Variants in DPP10 observed in about 807,000 individuals in gnomAD.
DPP10 encodes dipeptidyl peptidase like 10.
Under a neutral mutation model 120.9 loss-of-function variants are expected in DPP10, and 33 were observed. The ratio of observed to expected loss-of-function variants is 0.27; its 90% CI spans 0.21 to 0.37. DPP10 has a LOEUF of 0.37. DPP10 is among the 10% of genes least tolerant of loss of function. The pLI is 1.00. For missense variants in DPP10, 816 were observed against 942.8 expected (o/e 0.87, Z 1.76); for synonymous variants, 337 against 326.1 (o/e 1.03, Z -0.36).
chr2:114,607,792 A>G (rs984625026), intron 1 of DPP10, among the ~76,000 whole-genome samples: 1 of 152,308 alleles, frequency 6.6e-6, no homozygotes, highest in Admixed American at 6.5e-5. Flanking sequence ...TTGTTTCCTC[A>G]TAGAGACTTT....
At chr2:115,605,202 A>C (rs2083621435) in intron 5 of DPP10, among the ~76,000 whole-genome samples, 1 of 152,078 alleles carries the variant, frequency 6.6e-6, no homozygotes, top group Non-Finnish European at 1.5e-5. Context: ...GGATAGAATC[A>C]ATTTTTGGGA....
intron 1 of DPP10, among the ~76,000 whole-genome samples, chr2:115,225,319 A>T (rs903978990): frequency 8.5e-5 from 13 of 152,112 alleles, no homozygotes; most frequent in Non-Finnish European, 1.0e-4. Context: ...ATGGTACTCC[A>T]TAATGGACCT....
At chr2:115,585,408 AG>A (rs1464321812) in intron 5 of DPP10, among the ~76,000 whole-genome samples, 9 of 152,228 alleles carry the variant, frequency 5.9e-5, no homozygotes, top group African/African-American at 2.2e-4. Context: ...ACATAAAAGT[AG>A]GTTTTATTTA....
intron 21 of DPP10, among the ~76,000 whole-genome samples, chr2:115,827,438 AT>A (rs1481694715): frequency 2.8e-5 from 4 of 143,298 alleles, no homozygotes; most frequent in African/African-American, 1.0e-4. Flanking sequence ...ATATATATAT[AT>A]ATATATATGC....
At chr2:114,509,194 A>G (rs1683933006) in intron 1 of DPP10, among the ~76,000 whole-genome samples, 1 of 152,244 alleles carries the variant, frequency 6.6e-6, no homozygotes, top group Non-Finnish European at 1.5e-5. Context: ...ATGCTCTGAA[A>G]GTGTTCCAGG....
intron 1 of DPP10, among the ~76,000 whole-genome samples, chr2:114,840,915 G>A (rs2106447467): frequency 6.6e-6 from 1 of 152,182 alleles, no homozygotes; most frequent in South Asian, 2.1e-4. Context: ...TGTTCCACAG[G>A]CACACAATAT....
At chr2:115,260,523 TCAAA>T (rs1173498213) in intron 1 of DPP10, among the ~76,000 whole-genome samples, 4 of 152,292 alleles carry the variant, frequency 2.6e-5, no homozygotes, top group East Asian at 1.9e-4. Flanking sequence ...TTGCCAGCCC[TCAAA>T]CAAAGTAGAT....
intron 1 of DPP10, among the ~76,000 whole-genome samples, chr2:115,075,198 C>T (rs1707684336): frequency 6.6e-6 from 1 of 152,230 alleles, no homozygotes; most frequent in Admixed American, 6.5e-5. Flanking sequence ...CTGCTGATCA[C>T]ATTGGTGTTT....
chr2:115,268,033 G>A (rs1246341267), intron 1 of DPP10, among the ~76,000 whole-genome samples: 1 of 152,102 alleles, frequency 6.6e-6, no homozygotes, highest in Non-Finnish European at 1.5e-5. Context: ...AAAATCTATA[G>A]GTGGCTTTTA....
At chr2:115,313,039 T>G (rs1422022888) in intron 2 of DPP10, among the ~76,000 whole-genome samples, 1 of 152,044 alleles carries the variant, frequency 6.6e-6, no homozygotes, top group Non-Finnish European at 1.5e-5. Context: ...CTGGCCAACA[T>G]GGTGAAACCC....
rs542639392 is a variant in DPP10, at chr2:115,009,556, T to G, written c.61-299683T>G. Among the ~76,000 whole-genome samples the G allele has an allele frequency of 1.0e-3, 151 of 151,402 alleles. 1 individual carries two copies. Among genetic ancestry groups the G allele is most frequent in the African/African-American group, 3.5e-3 (145 of 41,168 alleles). ...TACTAACCTGCACAATGTGCACATG[T>G]ACCCTAAAACTTAAAGTATAATAAT... On this transcript the variant is annotated intron_variant, in intron 1 of 25. Transcript: ENST00000410059.
At chr2:114,830,241 C>T (rs1686972147) in intron 1 of DPP10, among the ~76,000 whole-genome samples, 1 of 152,106 alleles carries the variant, frequency 6.6e-6, no homozygotes, top group Admixed American at 6.6e-5. Context: ...AAAATGGGGC[C>T]ATCGAGTACC....
intron 8 of DPP10, among the ~76,000 whole-genome samples, chr2:115,732,256 T>C (rs749430831): frequency 6.6e-6 from 1 of 152,152 alleles, no homozygotes; most frequent in African/African-American, 2.4e-5. Flanking sequence ...AAGAGTGACA[T>C]AAAAGACAAT....
chr2:115,035,195 C>A (rs913145340), intron 1 of DPP10, among the ~76,000 whole-genome samples: 8 of 152,200 alleles, frequency 5.3e-5, no homozygotes, highest in Non-Finnish European at 8.8e-5. Context: ...CTACTTCAAT[C>A]TTAAATCCTA....
At chr2:115,031,526 G>T (rs1452769859) in intron 1 of DPP10, among the ~76,000 whole-genome samples, 1 of 152,124 alleles carries the variant, frequency 6.6e-6, no homozygotes, top group Non-Finnish European at 1.5e-5. Flanking sequence ...CACCACTACA[G>T]AGTCATTCTT....
intron 1 of DPP10, among the ~76,000 whole-genome samples, chr2:115,179,933 T>C (rs2053963429): frequency 6.6e-6 from 1 of 152,200 alleles, no homozygotes; most frequent in Non-Finnish European, 1.5e-5. Context: ...AACAAGTTAT[T>C]TCTTTTAAGA....
chr2:114,938,729 C>CTTTTTTTTTTTTTTTTT (rs5833569), intron 1 of DPP10, among the ~76,000 whole-genome samples: 1 of 102,596 alleles, frequency 9.7e-6, no homozygotes, highest in Non-Finnish European at 2.1e-5. Flanking sequence ...CACTTTGTCC[C>CTTTTTTTTTTTTTTTTT]TTTTTTTTTT....
chr2:115,085,363 T>C (rs1708607826), intron 1 of DPP10, among the ~76,000 whole-genome samples: 1 of 152,148 alleles, frequency 6.6e-6, no homozygotes, highest in Admixed American at 6.5e-5. Flanking sequence ...TTCTAATTAC[T>C]GGAAACCTAC....
chr2:115,771,805 T>C (rs1340118315), intron 13 of DPP10, among the ~76,000 whole-genome samples: 1 of 152,168 alleles, frequency 6.6e-6, no homozygotes, highest in Non-Finnish European at 1.5e-5. Flanking sequence ...AGCTTACTAG[T>C]TCACTCAGAA....
Sources: gnomAD v4.1 joint callset for allele counts (sites outside exome capture counted in the v4.1 genomes callset) on GRCh38, gnomAD v4.1.1 for gene constraint, MANE v1.5 for transcripts, NCBI Gene and HGNC (gene_info 2026-07-23, HGNC 2026-07-21) for gene names.